The following ASXL3 variants were observed in gnomAD, a reference collection of about 807,000 sequenced individuals.
ASXL3 encodes ASXL transcriptional regulator 3.
In ASXL3, 34 loss-of-function variants were observed where a neutral mutation model predicts 170.6. That is an observed-to-expected ratio of 0.20 (90% confidence interval 0.15 to 0.27). The LOEUF is 0.27. Ranked by LOEUF, ASXL3 falls within the 10% of genes least tolerant of loss-of-function variation. The probability of loss-of-function intolerance (pLI) is 1.00; values close to 1 mark genes in which losing one functional copy is unlikely to be tolerated. For missense variants in ASXL3, 2,592 were observed against 2,695.3 expected, an observed-to-expected ratio of 0.96 and a Z score of 0.85; for synonymous variants, 1,002 against 989.1, an observed-to-expected ratio of 1.01 and a Z score of -0.24.
intron 8 of ASXL3, chr18:33,683,793 G>A (rs1422769434): frequency 1.0e-5 from 4 of 383,822 alleles, no homozygotes; most frequent in Non-Finnish European, 1.8e-5. Flanking sequence ...GTGGTAGAGT[G>A]AAAACTATAA....
chr18:33,626,116 G>C (rs2065598703), intron 2 of ASXL3, among the ~76,000 whole-genome samples: 1 of 151,916 alleles, frequency 6.6e-6, no homozygotes, highest in African/African-American at 2.4e-5. Flanking sequence ...AAAAAAAACA[G>C]TGAATTCTCT....
intron 9 of ASXL3, among the ~76,000 whole-genome samples, chr18:33,733,399 G>A (rs1371927130): frequency 2.0e-5 from 3 of 152,082 alleles, no homozygotes; most frequent in Non-Finnish European, 4.4e-5. Flanking sequence ...CCTTACTGAT[G>A]TCTTTGACCC....
intron 5 of ASXL3, among the ~76,000 whole-genome samples, chr18:33,667,052 G>T (rs1341761836): frequency 1.3e-5 from 2 of 152,130 alleles, no homozygotes; most frequent in African/African-American, 4.8e-5. Flanking sequence ...AAGTGCGGAG[G>T]TCAGCTAGAG....
At chr18:33,727,214 C>T (rs941224187) in intron 8 of ASXL3, among the ~76,000 whole-genome samples, 1 of 152,030 alleles carries the variant, frequency 6.6e-6, no homozygotes, top group African/African-American at 2.4e-5. Context: ...TTTCTAACTC[C>T]AGCACTCACT....
At position 33,688,915 on chromosome 18, in the gene ASXL3, A is replaced by G. The variant is rs9952013; in HGVS notation, c.879+5347A>G. Among the ~76,000 whole-genome samples the G allele has an allele frequency of 9.4e-3, 1,437 of 152,336 alleles. 23 individuals carry two copies. Among genetic ancestry groups the G allele is most frequent in the African/African-American group, 0.033 (1,361 of 41,576 alleles). ...ATAAACTTTTAGAAAATGTGAAGGC[A>G]TATTTGAGAATAAGTTTGCAGCCAG... On this transcript the variant is annotated intron_variant, in intron 8 of 11. Transcript: ENST00000269197.
At chr18:33,682,827 C>A (rs1210737947) in intron 7 of ASXL3, among the ~76,000 whole-genome samples, 1 of 152,274 alleles carries the variant, frequency 6.6e-6, no homozygotes, top group Non-Finnish European at 1.5e-5. Flanking sequence ...GATGGGATTA[C>A]AAGCATGAGC....
chr18:33,581,474 T>A (rs994808466), intron 1 of ASXL3, among the ~76,000 whole-genome samples: 1 of 145,346 alleles, frequency 6.9e-6, no homozygotes, highest in Non-Finnish European at 1.5e-5. Context: ...CTGGAGTGAG[T>A]GTGTGTGTGT....
At chr18:33,679,104 T>G (rs2066475786) in intron 7 of ASXL3, among the ~76,000 whole-genome samples, 1 of 152,190 alleles carries the variant, frequency 6.6e-6, no homozygotes, top group African/African-American at 2.4e-5. Flanking sequence ...TTTCTCAGTT[T>G]TCTAACATTT....
intron 8 of ASXL3, among the ~76,000 whole-genome samples, chr18:33,726,583 G>C (rs771870857): frequency 6.6e-6 from 1 of 152,052 alleles, no homozygotes; most frequent in African/African-American, 2.4e-5. Flanking sequence ...TAATATTTTC[G>C]ATAGTTTGGA....
At chr18:33,623,344 A>G (rs1171919824) in intron 2 of ASXL3, among the ~76,000 whole-genome samples, 1 of 152,122 alleles carries the variant, frequency 6.6e-6, no homozygotes, top group East Asian at 1.9e-4. Flanking sequence ...GTCCTTGTTA[A>G]TACTGGACTT....
intron 8 of ASXL3, among the ~76,000 whole-genome samples, chr18:33,690,049 G>C (rs2066662792): frequency 6.6e-6 from 1 of 151,994 alleles, no homozygotes; most frequent in South Asian, 2.1e-4. Context: ...TAAGAGATAG[G>C]GTCTCACTGT....
At position 33,744,090 on chromosome 18, in the gene ASXL3, A is replaced by C. The variant is rs374195833; in HGVS notation, c.4242A>C (p.Ala1414=). ...CTCTGGTTGCACACCCGACCGTCGC[A>C]ATGTTTACTGGAAACATGCTGACAA... ...TDSLVAHPTV[A]MFTGNMLTIN... is the part of the protein sequence containing the mutation. Residue 1414 remains alanine (A), a synonymous_variant, in exon 12 of 12, where the codon GCA becomes GCC. Transcript: ENST00000269197. 191 of 1,613,902 alleles carry C rather than the reference A, an allele frequency of 1.2e-4. 1 individual carries two copies. The Middle Eastern group carries it at 3.8e-3, about 32-fold the overall frequency.
chr18:33,613,807 G>C (rs2065376176), intron 2 of ASXL3, among the ~76,000 whole-genome samples: 1 of 152,006 alleles, frequency 6.6e-6, no homozygotes, highest in African/African-American at 2.4e-5. Context: ...TATAGTTCCA[G>C]ATATTAATTA....
chr18:33,710,942 T>C (rs1230970381), intron 8 of ASXL3, among the ~76,000 whole-genome samples: 1 of 152,172 alleles, frequency 6.6e-6, no homozygotes, highest in Non-Finnish European at 1.5e-5. Context: ...ATAAAATAAA[T>C]TTGCATACAA....
intron 8 of ASXL3, among the ~76,000 whole-genome samples, chr18:33,697,937 A>G (rs1329385667): frequency 2.6e-5 from 4 of 152,138 alleles, no homozygotes; most frequent in South Asian, 2.1e-4. Flanking sequence ...CCTGTGACCT[A>G]TAACTACATT....
rs566575536 is a variant in ASXL3, at chr18:33,729,758, T to C, written c.880-2210T>C. On this transcript the variant is annotated intron_variant, in intron 8 of 11. Coordinates refer to ENST00000269197, the MANE Select transcript of ASXL3 (RefSeq NM_030632.3). ...CCTTCATTACTCATTTCTGATTTTCTCACTCTTAGTCGGCACTTCTACTAG... is the reference window on the plus strand; with the variant it reads ...CCTTCATTACTCATTTCTGATTTTCCCACTCTTAGTCGGCACTTCTACTAG... 3.9e-5 allele frequency among the ~76,000 whole-genome samples: 6 copies of C among 152,246 alleles called. No individual in the cohort carries two copies. In the South Asian group the frequency reaches 1.2e-3, roughly 32 times the overall value.
rs2067868595 is a variant in ASXL3 at position 33,750,550 on chromosome 18, T to A, written c.*3955T>A. Reference sequence around the variant, plus strand: ...ATTTTCAGTAGTTTTTTTTTTTTAATGTGTGTTCGTTTGTACAATTTTTTT... The same window carrying A: ...ATTTTCAGTAGTTTTTTTTTTTTAAAGTGTGTTCGTTTGTACAATTTTTTT... On this transcript the variant is annotated 3_prime_UTR_variant, in exon 12 of 12. Transcript: ENST00000269197. The A allele has an allele frequency of 7.3e-6, 1 of 137,576 alleles. No individual in the cohort carries two copies. The highest frequency in any genetic ancestry group is 2.8e-5 in the African/African-American group (1 of 35,708). The allele number at this position is 137,576 out of a possible 1,614,324, so 8.5% of individuals were successfully genotyped here. A position where few individuals can be genotyped will look rare whatever the true frequency, so the allele number is the denominator to read the frequency against.
chr18:33,658,757 T>C (rs2066123475), intron 4 of ASXL3, among the ~76,000 whole-genome samples: 1 of 152,058 alleles, frequency 6.6e-6, no homozygotes, highest in Non-Finnish European at 1.5e-5. Flanking sequence ...AGGGAGAAAA[T>C]TGACTACCTA....
chr18:33,628,328 C>T (rs1054116402), intron 2 of ASXL3, among the ~76,000 whole-genome samples: 4 of 151,578 alleles, frequency 2.6e-5, no homozygotes, highest in African/African-American at 7.3e-5. Context: ...GAAGTGGGGT[C>T]CCTAGAGAAA....
Sources: gnomAD v4.1 joint callset for allele counts (sites outside exome capture counted in the v4.1 genomes callset) on GRCh38, gnomAD v4.1.1 for gene constraint, MANE v1.5 for transcripts, NCBI Gene and HGNC (gene_info 2026-07-23, HGNC 2026-07-21) for gene names.